The following VPS41 variants were observed in gnomAD, a reference collection of about 807,000 sequenced individuals.
VPS41 encodes VPS41 subunit of HOPS complex.
VPS41 carries 85 observed loss-of-function variants against 130.9 expected under a neutral mutation model. That is an observed-to-expected ratio of 0.65 (90% CI 0.55 to 0.78). The LOEUF is 0.78. VPS41 is among the 30% of genes least tolerant of loss of function. The pLI is 0.00. For synonymous variants in VPS41, 335 were observed against 332.9 expected (o/e 1.01, Z -0.07); for missense variants, 874 against 1,018.7 (o/e 0.86, Z 1.93).
chr7:38,844,579 G>A (rs1174635483), intron 4 of VPS41, among the ~76,000 whole-genome samples: 1 of 152,136 alleles, frequency 6.6e-6, no homozygotes, highest in Non-Finnish European at 1.5e-5. Context: ...AAATTTTGAG[G>A]AAGAGTCATC....
At chr7:38,735,153 T>A (rs1795738910) in intron 25 of VPS41, among the ~76,000 whole-genome samples, 1 of 152,212 alleles carries the variant, frequency 6.6e-6, no homozygotes, top group Non-Finnish European at 1.5e-5. Context: ...AAAGCTGTGA[T>A]AAGGCAAAAC....
intron 4 of VPS41, among the ~76,000 whole-genome samples, chr7:38,859,273 A>C (rs543602492): frequency 2.0e-5 from 3 of 152,320 alleles, no homozygotes; most frequent in Admixed American, 2.0e-4. Flanking sequence ...CAGTAAGCTA[A>C]GGCTAATGTA....
At chr7:38,815,354 G>A (rs1785024469) in intron 7 of VPS41, among the ~76,000 whole-genome samples, 2 of 152,102 alleles carry the variant, frequency 1.3e-5, no homozygotes, top group South Asian at 4.1e-4. Context: ...AACTCGGGAG[G>A]TGGAGGTTGC....
intron 4 of VPS41, among the ~76,000 whole-genome samples, chr7:38,835,654 C>A (rs1051551655): frequency 1.3e-5 from 2 of 151,814 alleles, no homozygotes; most frequent in East Asian, 3.9e-4. Context: ...CTATTTTAGG[C>A]TCAAAATATG....
intron 25 of VPS41, among the ~76,000 whole-genome samples, chr7:38,739,362 T>C (rs1795837189): frequency 6.6e-6 from 1 of 152,142 alleles, no homozygotes; most frequent in Non-Finnish European, 1.5e-5. Context: ...GGTGAGAGTA[T>C]GTGAAAAACA....
At position 38,830,276 on chromosome 7, in the gene VPS41, C is replaced by G. The variant is rs996334568; in HGVS notation, c.299G>C (p.Gly100Ala). Residue 100 changes from glycine (G) to alanine (A), a missense_variant, in exon 5 of 29, where the codon GGT becomes GCT. By Grantham distance (60) the Gly-to-Ala change is moderately conservative. Coordinates refer to ENST00000310301, the MANE Select transcript of VPS41 (RefSeq NM_014396.4). ...ISLDESGEHM[G>A]VCSEDGKVQV... ...TACCTTGCCATCCTCTGAACACACA[C>G]CCATGTGCTCTCCACTTTCATCCAA... 1.2e-6 allele frequency: 2 copies of G among 1,613,066 alleles called. No individual in the cohort carries two copies. The highest frequency in any genetic ancestry group is 2.2e-5 in the South Asian group (2 of 91,060).
At chr7:38,778,230 A>C (rs1445034410) in intron 10 of VPS41, among the ~76,000 whole-genome samples, 1 of 152,212 alleles carries the variant, frequency 6.6e-6, no homozygotes, top group Non-Finnish European at 1.5e-5. Flanking sequence ...CTTGAACCAA[A>C]TGTGTTTATC....
At chr7:38,750,705 C>A (rs1783652062) in intron 22 of VPS41, among the ~76,000 whole-genome samples, 1 of 152,060 alleles carries the variant, frequency 6.6e-6, no homozygotes, top group African/African-American at 2.4e-5. Flanking sequence ...TACTACTAGA[C>A]CCGAAAACTT....
chr7:38,806,869 T>C (rs1784848342), intron 7 of VPS41, among the ~76,000 whole-genome samples: 1 of 152,206 alleles, frequency 6.6e-6, no homozygotes, highest in African/African-American at 2.4e-5. Context: ...TCTGATGTTC[T>C]CTTGATGAAT....
chr7:38,745,483 T>C, intron 23 of VPS41, 76 bp downstream of exon 23: 1 of 1,232,318 alleles, frequency 8.1e-7, no homozygotes, highest in Non-Finnish European at 1.2e-6. Flanking sequence ...ACCTATGTCC[T>C]TTCTTACACA....
intron 17 of VPS41, among the ~76,000 whole-genome samples, chr7:38,761,245 C>G (rs201749745): frequency 8.4e-6 from 1 of 118,644 alleles, no homozygotes; most frequent in Non-Finnish European, 1.8e-5. Context: ...CTTTGTTTTT[C>G]TCTCTCTCTC....
At position 38,887,020 on chromosome 7, in the gene VPS41, T is replaced by C. The variant is rs111639871; in HGVS notation, c.60+11071A>G. On this transcript the variant is annotated intron_variant, in intron 2 of 28. Transcript: ENST00000310301. ...GACATCAACACCAAAATCCCATACA[T>C]AGGTCACCAACATCAAAGACCAAAG... Among the ~76,000 whole-genome samples, 940 of 152,244 alleles carry C rather than the reference T, an allele frequency of 6.2e-3. 7 individuals are homozygous for C. Among genetic ancestry groups the C allele is most frequent in the Middle Eastern group, 0.027 (8 of 294 alleles).
chr7:38,797,938 A>G (rs954944591), intron 7 of VPS41, among the ~76,000 whole-genome samples: 1 of 152,180 alleles, frequency 6.6e-6, no homozygotes, highest in Non-Finnish European at 1.5e-5. Context: ...AAATGCTACG[A>G]CAGTTTGAAG....
At chr7:38,820,284 C>T (rs1298652355) in intron 6 of VPS41, among the ~76,000 whole-genome samples, 1 of 152,122 alleles carries the variant, frequency 6.6e-6, no homozygotes, top group African/African-American at 2.4e-5. Context: ...CTTTTGTCCC[C>T]AATCACTCTC....
chr7:38,745,629 G>T lies in VPS41; in HGVS notation c.1927-16C>A. The T allele has an allele frequency of 6.3e-7, 1 of 1,591,298 alleles. No individual in the cohort carries two copies. On this transcript the variant is annotated splice_polypyrimidine_tract_variant and intron_variant, in intron 22 of 28. Transcript: ENST00000310301. ...TCTCAAGAGCCTTCAATTAAAGCAG[G>T]GTAAAAATGTTACTATAGGCGACCA...
At chr7:38,796,643 C>T in intron 8 of VPS41, 102 bp downstream of exon 8, 2 of 1,559,938 alleles carry the variant, frequency 1.3e-6, no homozygotes, top group South Asian at 1.1e-5. Context: ...TAGAAATCAC[C>T]ACCACAGCAA....
chr7:38,880,136 AGTATCTG>A (rs1233402286), intron 2 of VPS41, among the ~76,000 whole-genome samples: 2 of 152,322 alleles, frequency 1.3e-5, no homozygotes, highest in East Asian at 3.9e-4. Flanking sequence ...CACAAAGCTT[AGTATCTG>A]GTAATACCCA....
At chr7:38,834,668 A>G (rs1201403829) in intron 4 of VPS41, among the ~76,000 whole-genome samples, 1 of 152,170 alleles carries the variant, frequency 6.6e-6, no homozygotes, top group African/African-American at 2.4e-5. Context: ...ATGTAAAGTT[A>G]CATTTCACAA....
At chr7:38,728,233 T>C in intron 27 of VPS41, 2 of 547,242 alleles carry the variant, frequency 3.7e-6, no homozygotes, top group Non-Finnish European at 3.3e-6. Context: ...TTGTTAGAAA[T>C]ATACATTCTC....
Sources: allele counts gnomAD v4.1 joint callset (sites outside exome capture counted in the v4.1 genomes callset), GRCh38; gene constraint gnomAD v4.1.1; transcripts MANE v1.5; gene names NCBI Gene and HGNC (gene_info 2026-07-23, HGNC 2026-07-21).